The following MSRA variants were observed in gnomAD, a reference collection of about 807,000 sequenced individuals.
MSRA encodes the protein mitochondrial peptide methionine sulfoxide reductase.
A neutral mutation model predicts 31.3 loss-of-function variants in MSRA; 54 were observed. That is an observed-to-expected ratio of 1.73 (90% CI 1.39 to 2.17). MSRA has a LOEUF of 2.17. MSRA is among the 30% of genes most tolerant of loss of function. The probability of loss-of-function intolerance (pLI) is 0.00; values close to 1 mark genes in which losing one functional copy is unlikely to be tolerated. For synonymous variants in MSRA, 169 were observed against 116.5 expected, an observed-to-expected ratio of 1.45 and a Z score of -2.90; for missense variants, 507 against 300.9, an observed-to-expected ratio of 1.69 and a Z score of -5.07.
intron 5 of MSRA, among the ~76,000 whole-genome samples, chr8:10,424,614 G>A (rs1016670879): frequency 4.0e-5 from 6 of 150,422 alleles, no homozygotes; most frequent in African/African-American, 1.2e-4. Flanking sequence ...AGGGGCCAGG[G>A]TGGAGTGGGA....
chr8:10,277,865 C>T (rs1024249578), intron 3 of MSRA, among the ~76,000 whole-genome samples: 1 of 151,650 alleles, frequency 6.6e-6, no homozygotes, highest in African/African-American at 2.4e-5. Flanking sequence ...TGTTGTATAT[C>T]ATAAATATAT....
rs112985260 is a variant in MSRA, at chr8:10,176,908, C to T, written c.143-30925C>T. Among the ~76,000 whole-genome samples the T allele has an allele frequency of 2.6e-3, 390 of 152,266 alleles. 2 individuals carry two copies. The highest frequency in any genetic ancestry group is 9.0e-3 in the African/African-American group (375 of 41,544). On this transcript the variant is annotated intron_variant, in intron 1 of 5. Coordinates refer to ENST00000317173, the MANE Select transcript of MSRA (RefSeq NM_012331.5). ...ATCATTCTTCTTGTCTGGGAAATGG[C>T]CCTAAATAATTTAGCTTCCTCTTAG...
chr8:10,184,234 G>C (rs1191882632), intron 1 of MSRA, among the ~76,000 whole-genome samples: 2 of 151,964 alleles, frequency 1.3e-5, no homozygotes, highest in Non-Finnish European at 2.9e-5. Flanking sequence ...GGAAGTGGTT[G>C]TGTTGATGAT....
chr8:10,368,498 T>C (rs1177272793), intron 5 of MSRA, among the ~76,000 whole-genome samples: 3 of 152,148 alleles, frequency 2.0e-5, no homozygotes, highest in Non-Finnish European at 4.4e-5. Context: ...TTGCTGGCCA[T>C]AGGCAGCAGA....
intron 2 of MSRA, among the ~76,000 whole-genome samples, chr8:10,233,160 G>A (rs1190560946): frequency 6.6e-6 from 1 of 152,150 alleles, no homozygotes; most frequent in African/African-American, 2.4e-5. Flanking sequence ...TTTAGTCCAG[G>A]CCCTCTGGGT....
At chr8:10,144,364 T>C (rs1036530682) in intron 1 of MSRA, among the ~76,000 whole-genome samples, 5 of 151,778 alleles carry the variant, frequency 3.3e-5, no homozygotes, top group Non-Finnish European at 7.4e-5. Context: ...TTTGAACCTC[T>C]CTGAGTTTCA....
intron 2 of MSRA, among the ~76,000 whole-genome samples, chr8:10,229,929 T>C (rs1369376696): frequency 6.6e-6 from 1 of 152,194 alleles, no homozygotes; most frequent in African/African-American, 2.4e-5. Flanking sequence ...AATTTCCACT[T>C]TCGAAGCCTC....
At chr8:10,189,137 C>CTTCTTTTAAAAAGAAATTAACATT (rs1290858641) in intron 1 of MSRA, among the ~76,000 whole-genome samples, 1 of 152,092 alleles carries the variant, frequency 6.6e-6, no homozygotes, top group East Asian at 1.9e-4. Flanking sequence ...ATGTAAAGTA[C>CTTCTTTTAAAAAGAAATTAACATT]TTCTTTTAAA....
intron 1 of MSRA, among the ~76,000 whole-genome samples, chr8:10,169,012 A>G (rs1805377674): frequency 1.3e-5 from 2 of 152,176 alleles, no homozygotes; most frequent in Non-Finnish European, 1.5e-5. Context: ...CATGAGGGGA[A>G]TGTTATAAGT....
rs551668949 is a variant in MSRA, at chr8:10,131,830, C to T, written c.143-76003C>T. ...ACACACAGGAGGGAAATGGAGAACA[C>T]TTTTCTCAGAAGTATAATCCCCAAA... On this transcript the variant is annotated intron_variant, in intron 1 of 5. Coordinates refer to ENST00000317173, the MANE Select transcript of MSRA (RefSeq NM_012331.5). Among the ~76,000 whole-genome samples the T allele has an allele frequency of 5.9e-5, 9 of 152,294 alleles. No individual in the cohort carries two copies. In the South Asian group the frequency reaches 1.2e-3, roughly 21 times the overall value.
At chr8:10,299,239 T>C (rs925508392) in intron 3 of MSRA, among the ~76,000 whole-genome samples, 2 of 152,144 alleles carry the variant, frequency 1.3e-5, no homozygotes, top group Non-Finnish European at 2.9e-5. Context: ...TTTACGTCTT[T>C]TGCTTATATT....
At chr8:10,388,697 C>A (rs1806546778) in intron 5 of MSRA, among the ~76,000 whole-genome samples, 1 of 152,062 alleles carries the variant, frequency 6.6e-6, no homozygotes, top group Non-Finnish European at 1.5e-5. Context: ...GTAAGTGGAG[C>A]TAATATCATA....
intron 1 of MSRA, among the ~76,000 whole-genome samples, chr8:10,146,761 C>T (rs1007071373): frequency 1.3e-5 from 2 of 151,850 alleles, no homozygotes; most frequent in African/African-American, 2.4e-5. Context: ...CTGGGCGTGG[C>T]GCTGGTCTGA....
chr8:10,351,100 A>C (rs1804105261), intron 5 of MSRA, among the ~76,000 whole-genome samples: 2 of 152,172 alleles, frequency 1.3e-5, no homozygotes, highest in African/African-American at 4.8e-5. Context: ...CGTCCTGCCA[A>C]GTGCAACCTG....
At chr8:10,190,557 T>C (rs955066841) in intron 1 of MSRA, among the ~76,000 whole-genome samples, 2 of 152,224 alleles carry the variant, frequency 1.3e-5, no homozygotes, top group Non-Finnish European at 1.5e-5. Flanking sequence ...GCACACCTTC[T>C]CCAAGACATC....
intron 1 of MSRA, among the ~76,000 whole-genome samples, chr8:10,063,956 G>C (rs924540389): frequency 6.6e-6 from 1 of 152,192 alleles, no homozygotes; most frequent in Non-Finnish European, 1.5e-5. Context: ...GCCGCCCCTT[G>C]GGGCTGTTTC....
At chr8:10,095,022 T>A (rs1261248010) in intron 1 of MSRA, among the ~76,000 whole-genome samples, 1 of 152,226 alleles carries the variant, frequency 6.6e-6, no homozygotes, top group Non-Finnish European at 1.5e-5. Context: ...TGCAGATCAA[T>A]CAAAACTATA....
At chr8:10,178,410 C>T (rs868310785) in intron 1 of MSRA, among the ~76,000 whole-genome samples, 5 of 151,778 alleles carry the variant, frequency 3.3e-5, no homozygotes, top group Non-Finnish European at 4.4e-5. Context: ...GGCAAGACAG[C>T]GAGACCCTGT....
At chr8:10,079,869 T>G (rs769416521) in intron 1 of MSRA, among the ~76,000 whole-genome samples, 7 of 152,346 alleles carry the variant, frequency 4.6e-5, no homozygotes, top group Non-Finnish European at 2.9e-5. Context: ...TTTGAGCTAT[T>G]TACCTAACTT....
Sources: gnomAD v4.1 joint callset for allele counts (sites outside exome capture counted in the v4.1 genomes callset) on GRCh38, gnomAD v4.1.1 for gene constraint, MANE v1.5 for transcripts, NCBI Gene and HGNC (gene_info 2026-07-23, HGNC 2026-07-21) for gene names.